Variants in TRIM75 observed in about 807,000 individuals in gnomAD.
TRIM75 encodes the protein tripartite motif-containing protein 75.
At chr4:165,056,506 GATAAT>G in the TRIM75 span, among the ~76,000 whole-genome samples, 1 of 148,366 alleles carries the variant, frequency 6.7e-6, no homozygotes, top group Non-Finnish European at 1.5e-5. Context: ...CACAGGGATT[GATAAT>G]AGAGTGTTTC....
the TRIM75 span, among the ~76,000 whole-genome samples, chr4:165,058,841 C>T: frequency 1.3e-5 from 2 of 152,190 alleles, no homozygotes; most frequent in Non-Finnish European, 2.9e-5. Context: ...CTAACAGCTG[C>T]TTAGCTTGGC....
At chr4:165,059,724 T>C in the TRIM75 span, 1 of 780,714 alleles carries the variant, frequency 1.3e-6, no homozygotes, top group African/African-American at 1.7e-5. Flanking sequence ...CCTCAACCAG[T>C]TTTTAGACCG....
the TRIM75 span, chr4:165,059,931 A>G: frequency 1.3e-6 from 1 of 779,996 alleles, no homozygotes; most frequent in South Asian, 1.3e-5. Flanking sequence ...TGAAAATGAG[A>G]GTAGCCCATC....
the TRIM75 span, chr4:165,059,942 G>A: frequency 7.8e-4 from 611 of 779,652 alleles, 4 homozygotes; most frequent in Middle Eastern, 2.3e-3. Flanking sequence ...GTAGCCCATC[G>A]ATCTTTTCAA....
the TRIM75 span, among the ~76,000 whole-genome samples, chr4:165,055,295 T>C: frequency 1.1e-4 from 17 of 150,802 alleles, 1 homozygote; most frequent in Non-Finnish European, 2.4e-4. Context: ...TTTTTTTTTT[T>C]TTTTTTGCGA....
the TRIM75 span, among the ~76,000 whole-genome samples, chr4:165,054,434 A>AC: frequency 1.3e-5 from 2 of 151,804 alleles, no homozygotes; most frequent in Non-Finnish European, 2.9e-5. Flanking sequence ...TGCCCAGCTA[A>AC]TTTTTTGTAT....
the TRIM75 span, among the ~76,000 whole-genome samples, chr4:165,058,767 G>T: frequency 9.0e-3 from 1,364 of 151,866 alleles, 19 homozygotes; most frequent in Admixed American, 0.019. Context: ...ATCTTGTTTT[G>T]TTCTTAAGAA....
the TRIM75 span, among the ~76,000 whole-genome samples, chr4:165,057,678 G>A: frequency 1.3e-5 from 2 of 152,078 alleles, no homozygotes. Context: ...TTACAGGCAT[G>A]TGCCCCCATG....
At chr4:165,055,783 A>T in the TRIM75 span, among the ~76,000 whole-genome samples, 1 of 151,370 alleles carries the variant, frequency 6.6e-6, no homozygotes, top group Non-Finnish European at 1.5e-5. Context: ...CCAGAAATTT[A>T]TGCTTGATCA....
the TRIM75 span, among the ~76,000 whole-genome samples, chr4:165,056,877 A>G: frequency 6.6e-6 from 1 of 152,056 alleles, no homozygotes; most frequent in Non-Finnish European, 1.5e-5. Flanking sequence ...TTGGCCTCCC[A>G]AAGTGCTGGG....
the TRIM75 span, chr4:165,060,469 C>A: frequency 2.6e-6 from 2 of 780,386 alleles, no homozygotes; most frequent in Admixed American, 1.7e-5. Context: ...TTCACTGACA[C>A]TTTTACTGGG....
chr4:165,054,069 G>A, the TRIM75 span, among the ~76,000 whole-genome samples: 4 of 151,800 alleles, frequency 2.6e-5, no homozygotes, highest in Admixed American at 1.3e-4. Flanking sequence ...ACCTGAATTC[G>A]GCATCAGGTT....
the TRIM75 span, among the ~76,000 whole-genome samples, chr4:165,058,279 T>C: frequency 2.0e-5 from 3 of 152,202 alleles, no homozygotes; most frequent in Admixed American, 2.0e-4. Flanking sequence ...GGATTCCTCC[T>C]GCCTCAACCT....
the TRIM75 span, among the ~76,000 whole-genome samples, chr4:165,058,314 G>T: frequency 6.6e-6 from 1 of 151,946 alleles, no homozygotes; most frequent in Non-Finnish European, 1.5e-5. Context: ...GACTACAGGT[G>T]CGCACCATCA....
the TRIM75 span, among the ~76,000 whole-genome samples, chr4:165,054,133 C>A: frequency 6.6e-6 from 1 of 151,984 alleles, no homozygotes; most frequent in Non-Finnish European, 1.5e-5. Flanking sequence ...CGCTCTGTGA[C>A]CCAGGCTGGA....
chr4:165,054,600 G>C, the TRIM75 span, among the ~76,000 whole-genome samples: 1 of 151,792 alleles, frequency 6.6e-6, no homozygotes, highest in Non-Finnish European at 1.5e-5. Context: ...TAGTCTCACC[G>C]TGTTGGCCAG....
the TRIM75 span, chr4:165,060,142 T>C: frequency 1.3e-6 from 1 of 780,934 alleles, no homozygotes; most frequent in African/African-American, 1.7e-5. Context: ...CCAAAAAGAT[T>C]TACAGTCAAG....
chr4:165,054,422 C>A, the TRIM75 span, among the ~76,000 whole-genome samples: 2 of 152,118 alleles, frequency 1.3e-5, no homozygotes, highest in Non-Finnish European at 2.9e-5. Flanking sequence ...CATGTGCCAC[C>A]ATGCCCAGCT....
chr4:165,060,480 C>T, the TRIM75 span: 3 of 779,748 alleles, frequency 3.8e-6, no homozygotes, highest in Non-Finnish European at 7.2e-6. Flanking sequence ...TTTTACTGGG[C>T]CTCTTCGGCC....
Sources: gnomAD v4.1 joint callset for allele counts (sites outside exome capture counted in the v4.1 genomes callset) on GRCh38, gnomAD v4.1.1 for gene constraint, MANE v1.5 for transcripts, NCBI Gene and HGNC (gene_info 2026-07-23, HGNC 2026-07-21) for gene names.